Variants in CACNA1C observed in about 807,000 individuals in gnomAD.
The protein encoded by CACNA1C is calcium voltage-gated channel subunit alpha1 C, also known as voltage-dependent L-type calcium channel subunit alpha-1C.
A neutral mutation model predicts 229.0 loss-of-function variants in CACNA1C; 30 were observed. That is an observed-to-expected ratio of 0.13 (90% confidence interval 0.10 to 0.18). The LOEUF is 0.18. Ranked by LOEUF, CACNA1C falls within the 10% of genes least tolerant of loss-of-function variation. The probability of loss-of-function intolerance (pLI) is 1.00; values close to 1 mark genes in which losing one functional copy is unlikely to be tolerated. For missense variants in CACNA1C, 1,658 were observed against 2,845.0 expected, an observed-to-expected ratio of 0.58 and a Z score of 9.49; for synonymous variants, 1,114 against 1,132.5, an observed-to-expected ratio of 0.98 and a Z score of 0.33.
chr12:2,609,356 C>T (rs1316187572), intron 27 of CACNA1C, among the ~76,000 whole-genome samples: 2 of 151,890 alleles, frequency 1.3e-5, no homozygotes, highest in Non-Finnish European at 2.9e-5. Context: ...GAAACACATC[C>T]CTGTCTGTGA....
At position 2,323,144 on chromosome 12, in the gene CACNA1C, A is replaced by G. The variant is rs527536842; in HGVS notation, c.478-125832A>G. Among the ~76,000 whole-genome samples the G allele has an allele frequency of 4.6e-5, 7 of 151,844 alleles. No individual in the cohort carries two copies. In the South Asian group the frequency reaches 1.5e-3, roughly 32 times the overall value. ...TGTTTCTCCTCTCTTCTTTGCACAC[A>G]CGGGAGACAGCCAGACACGGCTGTA... On this transcript the variant is annotated intron_variant, in intron 3 of 46. Coordinates refer to ENST00000399655, the MANE Select transcript of CACNA1C (RefSeq NM_000719.7).
At chr12:2,168,134 A>G (rs971735227) in intron 3 of CACNA1C, among the ~76,000 whole-genome samples, 1 of 152,190 alleles carries the variant, frequency 6.6e-6, no homozygotes, top group Non-Finnish European at 1.5e-5. Context: ...GCTTAAAGAA[A>G]GGCAGAGGTC....
At chr12:2,629,324 A>T (rs2089140228) in intron 29 of CACNA1C, among the ~76,000 whole-genome samples, 1 of 152,012 alleles carries the variant, frequency 6.6e-6, no homozygotes, top group African/African-American at 2.4e-5. Context: ...CCACTGGGAG[A>T]TGGGCATGTC....
At chr12:2,688,375 G>T in intron 45 of CACNA1C, 72 bp from the exon 46 acceptor site, 1 of 1,418,068 alleles carries the variant, frequency 7.1e-7, no homozygotes. Flanking sequence ...AGCAGTGCTT[G>T]CTCAGAAGCA....
chr12:2,548,657 G>A (rs915130119), intron 9 of CACNA1C, among the ~76,000 whole-genome samples: 4 of 152,120 alleles, frequency 2.6e-5, no homozygotes, highest in African/African-American at 7.2e-5. Context: ...ACGGTAAGTC[G>A]TGGACTTTCT....
intron 9 of CACNA1C, among the ~76,000 whole-genome samples, chr12:2,533,735 G>T (rs749952102): frequency 5.9e-5 from 9 of 152,138 alleles, no homozygotes; most frequent in Admixed American, 2.0e-4. Flanking sequence ...TGTCAAAAGC[G>T]CCAGGGCTGG....
chr12:2,211,821 C>T (rs538477308), intron 3 of CACNA1C, among the ~76,000 whole-genome samples: 9 of 150,714 alleles, frequency 6.0e-5, no homozygotes, highest in South Asian at 2.1e-4. Flanking sequence ...CAGGTTCAAG[C>T]GATTCTCCTG....
chr12:2,413,233 T>C (rs1164191532), intron 3 of CACNA1C, among the ~76,000 whole-genome samples: 1 of 152,170 alleles, frequency 6.6e-6, no homozygotes, highest in Non-Finnish European at 1.5e-5. Flanking sequence ...ACCAGGCTGG[T>C]CTTGAACTCC....
intron 2 of CACNA1C, 86 bp from the exon 3 acceptor site, chr12:2,120,239 C>A (rs1034737466): frequency 1.2e-6 from 1 of 802,594 alleles, no homozygotes; most frequent in African/African-American, 1.7e-5. Context: ...TCTTATGAAT[C>A]TTTGATTCAT....
At chr12:2,122,479 A>G (rs1018163628) in intron 3 of CACNA1C, among the ~76,000 whole-genome samples, 3 of 152,188 alleles carry the variant, frequency 2.0e-5, no homozygotes, top group Admixed American at 1.3e-4. Flanking sequence ...CAGCTAATAA[A>G]TCAGAACACG....
In CACNA1C at chr12:2,476,759, C is replaced by T. The variant is rs538681414; in HGVS notation, c.758-9345C>T. 1.7e-4 allele frequency among the ~76,000 whole-genome samples: 26 copies of T among 152,302 alleles called. 1 individual carries two copies. The South Asian group carries it at 5.2e-3, about 30-fold the overall frequency. On this transcript the variant is annotated intron_variant, in intron 5 of 46. Coordinates refer to ENST00000399655, the MANE Select transcript of CACNA1C (RefSeq NM_000719.7). Reference sequence around the variant, plus strand: ...CCATCCCTTTGCTAAGACAAGAACCCTCCTTTAGTGTTCCTCATACCATGT... The same window carrying T: ...CCATCCCTTTGCTAAGACAAGAACCTTCCTTTAGTGTTCCTCATACCATGT...
intron 18 of CACNA1C, among the ~76,000 whole-genome samples, chr12:2,592,995 C>A (rs1418727868): frequency 1.3e-5 from 2 of 152,090 alleles, no homozygotes; most frequent in African/African-American, 4.8e-5. Flanking sequence ...AAGTTGGTCG[C>A]CCTACTTACA....
chr12:2,186,731 AG>A (rs1382078397), intron 3 of CACNA1C, among the ~76,000 whole-genome samples: 18 of 152,222 alleles, frequency 1.2e-4, no homozygotes, highest in Admixed American at 1.2e-3. Context: ...ATGCTAAGTC[AG>A]TTATCAACAC....
chr12:2,546,527 T>C (rs572012182), intron 9 of CACNA1C, among the ~76,000 whole-genome samples: 12 of 152,334 alleles, frequency 7.9e-5, no homozygotes, highest in African/African-American at 2.6e-4. Context: ...CTTCACACTC[T>C]TCCGTGCAGT....
In CACNA1C at chr12:2,115,411, G is replaced by T. The variant is rs374468402; in HGVS notation, c.237G>T (p.Thr79=). ...CGACCATCTCCACAGTCAGCTCCAC[G>T]CAGCGGAAGCGGCAGCAATATGGGA... is the stretch of plus-strand genomic sequence containing the variant. The part of the protein sequence containing the change: ...GNATISTVSS[T]QRKRQQYGKP... Residue 79 remains threonine (T), a synonymous_variant, in exon 2 of 47, where the codon ACG becomes ACT. Coordinates refer to ENST00000399655, the MANE Select transcript of CACNA1C (RefSeq NM_000719.7). The T allele has an allele frequency of 2.5e-6, 4 of 1,612,212 alleles. No homozygotes were observed. Among genetic ancestry groups the T allele is most frequent in the Non-Finnish European group, 3.4e-6 (4 of 1,179,752 alleles).
intron 3 of CACNA1C, among the ~76,000 whole-genome samples, chr12:2,236,245 C>T (rs1052550099): frequency 3.9e-5 from 6 of 152,132 alleles, no homozygotes; most frequent in African/African-American, 7.2e-5. Flanking sequence ...TCAGCAGGTT[C>T]GGGTTGGGGC....
chr12:2,669,081 C>T, intron 38 of CACNA1C, 46 bp downstream of exon 38: 1 of 1,304,152 alleles, frequency 7.7e-7, no homozygotes, highest in Non-Finnish European at 1.1e-6. Context: ...GAAGGTCTAG[C>T]AGACAATCAG....
At position 2,647,218 on chromosome 12, in the gene CACNA1C, A is replaced by C. The variant is rs1569030759; in HGVS notation, c.3913-1257A>C. The stretch of plus-strand genomic sequence containing the variant: ...CAAGAGCAACCATCTGAAAGTGGAG[A>C]GTAAAAGCCAAGTCCTGACTTTCTA... On this transcript the variant is annotated intron_variant, in intron 30 of 46. Transcript: ENST00000399655. This position sits in a 1 kb window ranked among gnomAD's most constrained non-coding sequence, Gnocchi z 4.2. 6.6e-6 allele frequency among the ~76,000 whole-genome samples: 1 copy of C among 152,222 alleles called. No homozygotes were observed. The highest frequency in any genetic ancestry group is 1.5e-5 in the Non-Finnish European group (1 of 68,040).
chr12:2,651,692 T>G lies in CACNA1C; in HGVS notation c.3998T>G (p.Val1333Gly). The part of the protein sequence containing the change: ...ISITFFRLFR[V>G]MRLVKLLSRG... ...ATCACCTTCTTCCGCCTGTTCCGGGTCATGCGTCTGGTGAAGCTGCTGAGC... is the reference window on the plus strand; with the variant it reads ...ATCACCTTCTTCCGCCTGTTCCGGGGCATGCGTCTGGTGAAGCTGCTGAGC... The change falls in exon 32 of 47, where the codon GTC (valine) becomes GGC (glycine). Residue 1333 changes from valine (V) to glycine (G), a missense_variant. Val to Gly is a moderately radical substitution (Grantham distance 109). Coordinates refer to ENST00000399655, the MANE Select transcript of CACNA1C (RefSeq NM_000719.7). This position sits in a 1 kb window ranked among gnomAD's most constrained non-coding sequence, Gnocchi z 5.4. The G allele has an allele frequency of 6.2e-7, 1 of 1,613,704 alleles. No homozygotes were observed. The highest frequency in any genetic ancestry group is 8.5e-7 in the Non-Finnish European group (1 of 1,179,798).
Sources: gnomAD v4.1 joint callset for allele counts (sites outside exome capture counted in the v4.1 genomes callset) on GRCh38, gnomAD v4.1.1 for gene constraint, Gnocchi (gnomAD v3.1) non-coding constraint, MANE v1.5 for transcripts, NCBI Gene and HGNC (gene_info 2026-07-23, HGNC 2026-07-21) for gene names.